GRM8: variants seen among roughly 807,000 people sequenced by gnomAD.
The protein encoded by GRM8 is glutamate metabotropic receptor 8.
A neutral mutation model predicts 87.2 loss-of-function variants in GRM8; 47 were observed. The observed-to-expected ratio is 0.54, with a 90% CI of 0.43 to 0.69. The LOEUF (loss-of-function observed/expected upper bound fraction) is 0.69. Ranked by LOEUF, GRM8 falls within the 30% of genes least tolerant of loss-of-function variation. GRM8 has a pLI of 0.00. For synonymous variants in GRM8, 396 were observed against 404.5 expected (o/e 0.98, Z 0.25); for missense variants, 1,019 against 1,139.2 (o/e 0.89, Z 1.52).
intron 7 of GRM8, among the ~76,000 whole-genome samples, chr7:126,716,511 G>T (rs573408043): frequency 6.6e-6 from 1 of 152,216 alleles, no homozygotes; most frequent in South Asian, 2.1e-4. Flanking sequence ...GGGTGCTGAG[G>T]GTGGGTGCTG....
intron 9 of GRM8, among the ~76,000 whole-genome samples, chr7:126,489,610 T>C (rs533609056): frequency 2.7e-4 from 41 of 152,202 alleles, no homozygotes; most frequent in Middle Eastern, 3.4e-3. Context: ...AGAAAGATCT[T>C]GTAAAAAATC....
intron 6 of GRM8, among the ~76,000 whole-genome samples, chr7:126,828,644 C>T (rs527236946): frequency 6.6e-6 from 1 of 151,838 alleles, no homozygotes; most frequent in Non-Finnish European, 1.5e-5. Flanking sequence ...TTTTGTTGAT[C>T]CTTTCAAAAA....
intron 8 of GRM8, among the ~76,000 whole-genome samples, chr7:126,542,399 G>A (rs1816645901): frequency 6.6e-6 from 1 of 152,184 alleles, no homozygotes; most frequent in Non-Finnish European, 1.5e-5. Context: ...AATCAGTAAT[G>A]ATTATAAAAA....
chr7:126,897,133 C>A (rs1434676745), intron 6 of GRM8, among the ~76,000 whole-genome samples: 1 of 152,120 alleles, frequency 6.6e-6, no homozygotes, highest in Non-Finnish European at 1.5e-5. Context: ...AAGCACAGAG[C>A]TATTTATAAT....
chr7:127,173,403 A>T (rs944729094), intron 2 of GRM8, among the ~76,000 whole-genome samples: 5 of 152,156 alleles, frequency 3.3e-5, no homozygotes, highest in Non-Finnish European at 7.4e-5. Flanking sequence ...GTCATGGGGA[A>T]GGGGCATGCC....
intron 7 of GRM8, among the ~76,000 whole-genome samples, chr7:126,648,407 C>G (rs1278272833): frequency 2.7e-4 from 41 of 151,988 alleles, no homozygotes; most frequent in Admixed American, 2.7e-3. Context: ...TATTTTATGC[C>G]TAATGTAGTG....
chr7:127,179,132 C>T (rs28824230), intron 2 of GRM8, among the ~76,000 whole-genome samples: 2,466 of 152,154 alleles, frequency 0.016, 72 homozygotes, highest in African/African-American at 0.055. Flanking sequence ...CACATACAGA[C>T]TCACATAAAC....
At chr7:126,936,649 G>A (rs370394306) in intron 3 of GRM8, among the ~76,000 whole-genome samples, 1 of 152,146 alleles carries the variant, frequency 6.6e-6, no homozygotes, top group African/African-American at 2.4e-5. Flanking sequence ...GTTTCCTAAG[G>A]ACAATGTTCA....
Position 126,592,244 on chromosome 7 carries a change from A to G in GRM8, c.1494+17118T>C, listed in dbSNP as rs571541555. ...ATATCAATTATTTAAAACCTTAAAA[A>G]ATTGAAGAGGGAATACTTCCAAATT... On this transcript the variant is annotated intron_variant, in intron 8 of 10. Coordinates refer to ENST00000339582, the MANE Select transcript of GRM8 (RefSeq NM_000845.3). Among the ~76,000 whole-genome samples, 4 of 151,974 alleles carry G rather than the reference A, an allele frequency of 2.6e-5. No individual in the cohort carries two copies. In the South Asian group the frequency reaches 8.3e-4, roughly 32 times the overall value.
At chr7:126,940,181 A>T (rs1355409525) in intron 3 of GRM8, among the ~76,000 whole-genome samples, 2 of 152,180 alleles carry the variant, frequency 1.3e-5, no homozygotes, top group African/African-American at 2.4e-5. Context: ...CCCCACCTGC[A>T]ATTCCAATTA....
chr7:126,658,908 A>G (rs528119657), intron 7 of GRM8, among the ~76,000 whole-genome samples: 1 of 152,010 alleles, frequency 6.6e-6, no homozygotes, highest in Middle Eastern at 3.2e-3. Context: ...ATCAAGGAGG[A>G]TGCCGTAAAG....
At chr7:126,615,329 G>T (rs1268138428) in intron 7 of GRM8, among the ~76,000 whole-genome samples, 2 of 152,086 alleles carry the variant, frequency 1.3e-5, no homozygotes, top group African/African-American at 4.8e-5. Context: ...AATGCTGAGA[G>T]ATTTTGTCAC....
At chr7:126,589,150 G>A (rs183331924) in intron 8 of GRM8, among the ~76,000 whole-genome samples, 3 of 152,304 alleles carry the variant, frequency 2.0e-5, no homozygotes, top group African/African-American at 7.2e-5. Context: ...AATCCAGAGT[G>A]CAGACACAGG....
chr7:126,761,957 T>C (rs1358782521), intron 7 of GRM8, among the ~76,000 whole-genome samples: 1 of 152,224 alleles, frequency 6.6e-6, no homozygotes, highest in African/African-American at 2.4e-5. Context: ...AACCTTATAC[T>C]GTGTTTGTAA....
intron 7 of GRM8, among the ~76,000 whole-genome samples, chr7:126,696,803 G>A (rs944479177): frequency 2.2e-4 from 33 of 152,062 alleles, no homozygotes; most frequent in African/African-American, 8.0e-4. Context: ...CTGAATACAG[G>A]CCTTCAAAAC....
intron 3 of GRM8, among the ~76,000 whole-genome samples, chr7:127,030,227 CTAACACCTGAGG>C (rs1244804816): frequency 6.6e-6 from 1 of 152,028 alleles, no homozygotes; most frequent in African/African-American, 2.4e-5. Flanking sequence ...TGGAGCTGCT[CTAACACCTGAGG>C]TCTTCTCCCT....
intron 2 of GRM8, among the ~76,000 whole-genome samples, chr7:127,212,607 C>T (rs1387405622): frequency 1.3e-5 from 2 of 151,756 alleles, no homozygotes; most frequent in African/African-American, 4.8e-5. Flanking sequence ...TTAGTAGAGA[C>T]GGGGTTTCAC....
At chr7:126,669,060 C>T (rs1187819179) in intron 7 of GRM8, among the ~76,000 whole-genome samples, 1 of 152,140 alleles carries the variant, frequency 6.6e-6, no homozygotes, top group Admixed American at 6.5e-5. Flanking sequence ...AGCAAACTAA[C>T]ACAGGAACAG....
intron 6 of GRM8, among the ~76,000 whole-genome samples, chr7:126,802,945 G>A (rs2151713058): frequency 6.6e-6 from 1 of 152,248 alleles, no homozygotes. Flanking sequence ...TAGACTGTGG[G>A]CCACAAACCT....
Sources: gnomAD v4.1 joint callset for allele counts (sites outside exome capture counted in the v4.1 genomes callset) on GRCh38, gnomAD v4.1.1 for gene constraint, MANE v1.5 for transcripts, NCBI Gene and HGNC (gene_info 2026-07-23, HGNC 2026-07-21) for gene names.